PTPRD: variants seen among roughly 807,000 people sequenced by gnomAD.
The protein encoded by PTPRD is receptor-type tyrosine-protein phosphatase delta.
Under a neutral mutation model 214.5 loss-of-function variants are expected in PTPRD, and 34 were observed. The observed-to-expected ratio is 0.16, with a 90% CI of 0.12 to 0.21. The LOEUF (loss-of-function observed/expected upper bound fraction) is 0.21. Among genes scored for constraint, PTPRD ranks in the 10% least tolerant of loss-of-function variants. The pLI, the probability that PTPRD is intolerant of heterozygous loss-of-function variation, is 1.00. For synonymous variants in PTPRD, 1,128 were observed against 845.7 expected (o/e 1.33, Z -5.79); for missense variants, 2,545 against 2,398.7 (o/e 1.06, Z -1.27).
At chr9:8,823,168 C>A (rs575585660) in intron 11 of PTPRD, among the ~76,000 whole-genome samples, 1 of 152,218 alleles carries the variant, frequency 6.6e-6, no homozygotes, top group Non-Finnish European at 1.5e-5. Flanking sequence ...TTTCTTCTTA[C>A]CACTTGGGCC....
chr9:9,450,228 G>A (rs1446606344), intron 8 of PTPRD, among the ~76,000 whole-genome samples: 1 of 151,830 alleles, frequency 6.6e-6, no homozygotes, highest in Non-Finnish European at 1.5e-5. Flanking sequence ...CTATAAACCT[G>A]CATGTGCAAA....
chr9:10,069,035 T>G (rs1256040785), intron 3 of PTPRD, among the ~76,000 whole-genome samples: 1 of 151,972 alleles, frequency 6.6e-6, no homozygotes, highest in Non-Finnish European at 1.5e-5. Flanking sequence ...TTTGTCCTCT[T>G]TTGGCTGCCA....
At chr9:9,478,909 C>T (rs550500773) in intron 8 of PTPRD, among the ~76,000 whole-genome samples, 75 of 152,102 alleles carry the variant, frequency 4.9e-4, no homozygotes, top group Non-Finnish European at 6.0e-4. Flanking sequence ...TTTCACATAC[C>T]GGGAGAAATT....
At chr9:9,072,153 T>A (rs949425377) in intron 10 of PTPRD, among the ~76,000 whole-genome samples, 1 of 152,128 alleles carries the variant, frequency 6.6e-6, no homozygotes, top group African/African-American at 2.4e-5. Context: ...CATAACAACA[T>A]TTTAAAAACA....
intron 11 of PTPRD, among the ~76,000 whole-genome samples, chr9:9,007,813 C>T (rs1243662335): frequency 2.1e-5 from 3 of 140,044 alleles, no homozygotes; most frequent in African/African-American, 7.8e-5. Context: ...TTTTTTTTTA[C>T]ACCATAAATA....
At chr9:9,592,168 C>T (rs1405251942) in intron 7 of PTPRD, among the ~76,000 whole-genome samples, 1 of 151,986 alleles carries the variant, frequency 6.6e-6, no homozygotes, top group Admixed American at 6.6e-5. Context: ...GAATCATTTT[C>T]TTCACTAATT....
At chr9:8,415,743 G>C (rs2093887126) in intron 35 of PTPRD, among the ~76,000 whole-genome samples, 1 of 152,020 alleles carries the variant, frequency 6.6e-6, no homozygotes, top group Non-Finnish European at 1.5e-5. Flanking sequence ...TGCAGACAAT[G>C]GAGGGCCAGG....
chr9:9,226,358 C>T (rs922337593), intron 9 of PTPRD, among the ~76,000 whole-genome samples: 1 of 151,854 alleles, frequency 6.6e-6, no homozygotes, highest in Non-Finnish European at 1.5e-5. Context: ...CTTTTACTTA[C>T]AACCTATTTA....
intron 2 of PTPRD, among the ~76,000 whole-genome samples, chr9:10,488,114 T>A (rs553846298): frequency 6.6e-6 from 1 of 151,844 alleles, no homozygotes; most frequent in Non-Finnish European, 1.5e-5. Flanking sequence ...GCGCCTGTAA[T>A]CCTAGCACTT....
intron 12 of PTPRD, among the ~76,000 whole-genome samples, chr9:8,666,701 C>T (rs1055186195): frequency 1.3e-5 from 2 of 152,174 alleles, no homozygotes; most frequent in African/African-American, 4.8e-5. Flanking sequence ...GTACAACACA[C>T]TAAACTCTAT....
chr9:9,752,914 G>T (rs1269774727), intron 6 of PTPRD, among the ~76,000 whole-genome samples: 9 of 152,010 alleles, frequency 5.9e-5, no homozygotes, highest in Non-Finnish European at 1.0e-4. Flanking sequence ...TGCTTGGCAA[G>T]TTCACTGGAA....
chr9:9,853,625 T>C (rs2060971789), intron 5 of PTPRD, among the ~76,000 whole-genome samples: 1 of 152,042 alleles, frequency 6.6e-6, no homozygotes, highest in Non-Finnish European at 1.5e-5. Flanking sequence ...CTCAGGTCGC[T>C]GCAACCTCTC....
intron 3 of PTPRD, among the ~76,000 whole-genome samples, chr9:10,261,700 G>A (rs1184468428): frequency 6.6e-6 from 1 of 152,046 alleles, no homozygotes; most frequent in Non-Finnish European, 1.5e-5. Context: ...AAATAATTAT[G>A]CTAATAACAT....
intron 10 of PTPRD, among the ~76,000 whole-genome samples, chr9:9,074,932 C>G (rs112809580): frequency 2.0e-5 from 3 of 150,982 alleles, no homozygotes; most frequent in African/African-American, 7.3e-5. Flanking sequence ...CTATATTATC[C>G]TATCATGTAC....
At chr9:9,034,014 T>C (rs1457656342) in intron 10 of PTPRD, among the ~76,000 whole-genome samples, 3 of 152,116 alleles carry the variant, frequency 2.0e-5, no homozygotes, top group Admixed American at 2.0e-4. Flanking sequence ...GTATACAAAA[T>C]TCTCCAGGAA....
intron 7 of PTPRD, among the ~76,000 whole-genome samples, chr9:9,677,835 A>C (rs1225445068): frequency 6.6e-6 from 1 of 152,154 alleles, no homozygotes; most frequent in Admixed American, 6.6e-5. Context: ...ATCTCAGCCC[A>C]AAATCTCCTT....
At position 10,175,858 on chromosome 9, in the gene PTPRD, C is replaced by A. The variant is rs182377829; in HGVS notation, c.-544-142068G>T. Among the ~76,000 whole-genome samples the A allele has an allele frequency of 6.4e-4, 97 of 151,850 alleles. No homozygotes were observed. The East Asian group carries it at 0.014, about 21-fold the overall frequency. ...TCTGGAATTAGAAAGAAAAAGAGAACAAAACTAAAATTAAAATAAATCTCC... is the reference window on the plus strand; with the variant it reads ...TCTGGAATTAGAAAGAAAAAGAGAAAAAAACTAAAATTAAAATAAATCTCC... On this transcript the variant is annotated intron_variant, in intron 3 of 45. Coordinates refer to ENST00000381196, the MANE Select transcript of PTPRD (RefSeq NM_002839.4).
chr9:9,549,776 A>G (rs1395673351), intron 8 of PTPRD, among the ~76,000 whole-genome samples: 4 of 152,090 alleles, frequency 2.6e-5, no homozygotes, highest in African/African-American at 9.7e-5. Flanking sequence ...CATACCTTAC[A>G]TAAAAACTCT....
Position 8,528,683 on chromosome 9 carries a change from C to T in PTPRD, c.449G>A (p.Ser150Asn), listed in dbSNP as rs149175517. 1 of 1,613,780 alleles carries T rather than the reference C, an allele frequency of 6.2e-7. No homozygotes were observed. The highest frequency in any genetic ancestry group is 1.1e-5 in the South Asian group (1 of 91,082). ...TRTATMLCAA[S>N]GNPDPEITWF... ...AGTGATTTCTGGATCCGGATTACCACTGGCTGCACAAAGCATGGTGGCCGT... is the reference window on the plus strand; with the variant it reads ...AGTGATTTCTGGATCCGGATTACCATTGGCTGCACAAAGCATGGTGGCCGT... Residue 150 changes from serine to asparagine, a missense_variant, in exon 15 of 46, where the codon AGT becomes AAT. Coordinates refer to ENST00000381196, the MANE Select transcript of PTPRD (RefSeq NM_002839.4).
Sources: gnomAD v4.1 joint callset for allele counts (sites outside exome capture counted in the v4.1 genomes callset) on GRCh38, gnomAD v4.1.1 for gene constraint, MANE v1.5 for transcripts, NCBI Gene and HGNC (gene_info 2026-07-23, HGNC 2026-07-21) for gene names.